The following ABR variants were observed in gnomAD, a reference collection of about 807,000 sequenced individuals.
The protein encoded by ABR is ABR activator of RhoGEF and GTPase.
In ABR, 35 loss-of-function variants were observed where a neutral mutation model predicts 107.2. The observed-to-expected ratio is 0.33, with a 90% CI of 0.25 to 0.43. ABR has a LOEUF of 0.43. Ranked by LOEUF, ABR falls within the 20% of genes least tolerant of loss-of-function variation. The probability of loss-of-function intolerance (pLI) is 1.00; values close to 1 mark genes in which losing one functional copy is unlikely to be tolerated. For synonymous variants in ABR, 498 were observed against 462.0 expected (o/e 1.08, Z -1.00); for missense variants, 815 against 1,115.2 (o/e 0.73, Z 3.83).
At chr17:1,076,723 T>TG (rs2035755843) in intron 6 of ABR, among the ~76,000 whole-genome samples, 1 of 12,896 alleles carries the variant, frequency 7.8e-5, no homozygotes, top group Non-Finnish European at 1.8e-4. Context: ...ACGGGGGGGG[T>TG]GGGGGTGGGG....
intron 12 of ABR, 167 bp downstream of exon 12, chr17:1,057,803 C>A: frequency 1.6e-6 from 1 of 614,950 alleles, no homozygotes; most frequent in South Asian, 1.9e-5. Flanking sequence ...CAGTTAGATT[C>A]TTTGGGTCTC....
chr17:1,228,479 G>C (rs1214794750), intron 1 of ABR, among the ~76,000 whole-genome samples: 1 of 152,216 alleles, frequency 6.6e-6, no homozygotes, highest in Non-Finnish European at 1.5e-5. Flanking sequence ...ATCTGGCGGG[G>C]GCCAGGCCGG....
intron 3 of ABR, 69 bp from the exon 4 acceptor site, chr17:1,091,919 G>A (rs1157362486): frequency 8.0e-6 from 12 of 1,492,352 alleles, no homozygotes; most frequent in Non-Finnish European, 1.0e-5. Flanking sequence ...CAGGCCCCGG[G>A]GCCGATCGTT....
chr17:1,103,562 C>T (rs978666492), intron 2 of ABR, among the ~76,000 whole-genome samples: 15 of 152,174 alleles, frequency 9.9e-5, no homozygotes, highest in African/African-American at 2.7e-4. Context: ...CAAGCTTCAT[C>T]CCCCCTGGCA....
chr17:1,027,102 GTCTGGGGCCTCATTGCC>G lies in ABR; in HGVS notation c.1792-13955_1792-13939del. ...CAGGCTTGGGGGCTCCTTCCAAAAT[GTCTGGGGCCTCATTGCC>G]TCTGGGTACTACAGCAACACTGGGC... On this transcript the variant is annotated intron_variant, in intron 16 of 22. Coordinates refer to ENST00000302538, the MANE Select transcript of ABR (RefSeq NM_021962.5). The surrounding 1 kb of genome is among the most constrained non-coding windows in gnomAD (Gnocchi z 4.7). Among the ~76,000 whole-genome samples the G allele has an allele frequency of 6.6e-6, 1 of 152,152 alleles. No homozygotes were observed. Among genetic ancestry groups the G allele is most frequent in the Non-Finnish European group, 1.5e-5 (1 of 68,022 alleles).
chr17:1,135,111 G>C (rs1488112499), intron 1 of ABR, among the ~76,000 whole-genome samples: 2 of 152,186 alleles, frequency 1.3e-5, no homozygotes, highest in Non-Finnish European at 2.9e-5. Flanking sequence ...GAGGAGGCTT[G>C]GCAGTGGCAC....
At chr17:1,191,894 C>G (rs551486325), upstream of ABR, among the ~76,000 whole-genome samples, 1 of 152,340 alleles carries the variant, frequency 6.6e-6, no homozygotes. Context: ...TGCTGCCTTT[C>G]TCCAACAGGA....
Position 1,049,587 on chromosome 17 carries a change from C to T in ABR, c.1791+463G>A, listed in dbSNP as rs944935736. 5.9e-5 allele frequency among the ~76,000 whole-genome samples: 9 copies of T among 152,126 alleles called. No individual in the cohort carries two copies. The South Asian group carries it at 1.9e-3, about 31-fold the overall frequency. Reference sequence around the variant, plus strand: ...ACCCTAACAACAAGTCAGAGACCCCCCTCCCCCCAAGCCAACCAGCAGGAC... The same window carrying T: ...ACCCTAACAACAAGTCAGAGACCCCTCTCCCCCCAAGCCAACCAGCAGGAC... On this transcript the variant is annotated intron_variant, in intron 16 of 22. Coordinates refer to ENST00000302538, the MANE Select transcript of ABR (RefSeq NM_021962.5).
chr17:1,225,186 T>C (rs2043192498), intron 1 of ABR, among the ~76,000 whole-genome samples: 3 of 148,038 alleles, frequency 2.0e-5, no homozygotes, highest in Non-Finnish European at 4.5e-5. Context: ...AAGAAAGAAA[T>C]GGGGTCTCAC....
upstream of ABR, among the ~76,000 whole-genome samples, chr17:1,183,450 G>A (rs2042196264): frequency 6.6e-6 from 1 of 152,148 alleles, no homozygotes; most frequent in Admixed American, 6.5e-5. Context: ...ATGACGAGGG[G>A]CTGAGTGGGA....
chr17:1,017,580 G>A (rs998982755), intron 16 of ABR, among the ~76,000 whole-genome samples: 1 of 148,004 alleles, frequency 6.8e-6, no homozygotes, highest in Non-Finnish European at 1.5e-5. Flanking sequence ...CGATTCTTCT[G>A]CCTCAGCCTC....
rs74948342 is a variant in ABR, at chr17:1,102,405, T to G, written c.247-1670A>C. 8.6e-3 allele frequency among the ~76,000 whole-genome samples: 1,302 copies of G among 152,152 alleles called. 13 individuals carry two copies. The highest frequency in any genetic ancestry group is 0.029 in the African/African-American group (1,219 of 41,490). ...ACGAGCTAAGGAATGCAGAGAGCCT[T>G]TGGAAGCTGGAAATGGCAATAAAAT... is the stretch of plus-strand genomic sequence containing the variant. On this transcript the variant is annotated intron_variant, in intron 2 of 22. Coordinates refer to ENST00000302538, the MANE Select transcript of ABR (RefSeq NM_021962.5).
chr17:1,188,549 CAAAA>C (rs71148442), upstream of ABR, among the ~76,000 whole-genome samples: 4 of 142,148 alleles, frequency 2.8e-5, no homozygotes, highest in Non-Finnish European at 3.0e-5. Context: ...GACTCCGTCT[CAAAA>C]AAAAAAAAAA....
At chr17:1,024,120 G>A (rs2071973860) in intron 16 of ABR, among the ~76,000 whole-genome samples, 1 of 152,032 alleles carries the variant, frequency 6.6e-6, no homozygotes, top group South Asian at 2.1e-4. Flanking sequence ...TTCTGGGCAT[G>A]GAGCTTGCTG....
chr17:1,100,712 C>T lies in ABR; in HGVS notation c.270G>A (p.Glu90=), dbSNP rs1201944640. ...APGVEAGKGL[E]MRKLVLSGFL... ...ACCCCGAGAGAACCAGCTTCCTCAT[C>T]TCCAGGCCTTTCCCTGCTTCCACCT... The change falls in exon 3 of 23, where the codon GAG becomes GAA. Residue 90 remains glutamate, a synonymous_variant. Transcript: ENST00000302538. The T allele has an allele frequency of 6.2e-7, 1 of 1,614,226 alleles. No individual in the cohort carries two copies. The highest frequency in any genetic ancestry group is 1.7e-5 in the Admixed American group (1 of 60,028).
chr17:1,035,359 C>A (rs201582892), intron 16 of ABR, among the ~76,000 whole-genome samples: 2 of 93,352 alleles, frequency 2.1e-5, no homozygotes, highest in Non-Finnish European at 4.5e-5. Context: ...ACCCCTTCCA[C>A]CCCCTACACC....
intron 2 of ABR, among the ~76,000 whole-genome samples, chr17:1,118,280 TC>T (rs199806198): frequency 1.4e-4 from 9 of 63,818 alleles, no homozygotes; most frequent in Admixed American, 3.4e-4. Flanking sequence ...GCCTGAGTCC[TC>T]CCCAGCGTTA....
chr17:1,005,905 C>T lies in ABR; in HGVS notation c.*175G>A, dbSNP rs1232091886. 3 of 651,102 alleles carry T rather than the reference C, an allele frequency of 4.6e-6. No individual in the cohort carries two copies. The highest frequency in any genetic ancestry group is 8.1e-6 in the Non-Finnish European group (3 of 369,126). The allele number at this position is 651,102 out of a possible 1,614,324, so 40.3% of individuals were successfully genotyped here. A position where few individuals can be genotyped will look rare whatever the true frequency, so the allele number is the denominator to read the frequency against. ...GGTGGTGAGGCTGGGGCTGGGCAGC[C>T]GGCTTTGTACAAGGTGGCACAAAAG... On this transcript the variant is annotated 3_prime_UTR_variant, in exon 23 of 23. Coordinates refer to ENST00000302538, the MANE Select transcript of ABR (RefSeq NM_021962.5).
intron 16 of ABR, chr17:1,031,665 C>T (rs1208491301): frequency 1.6e-6 from 2 of 1,257,052 alleles, no homozygotes; most frequent in Non-Finnish European, 2.0e-6. Context: ...GGGGCGCTTG[C>T]TCCCCGACTC....
Sources: gnomAD v4.1 joint callset for allele counts (sites outside exome capture counted in the v4.1 genomes callset) on GRCh38, gnomAD v4.1.1 for gene constraint, Gnocchi (gnomAD v3.1) non-coding constraint, MANE v1.5 for transcripts, NCBI Gene and HGNC (gene_info 2026-07-23, HGNC 2026-07-21) for gene names.